The following PLCXD3 variants were observed in gnomAD, a reference collection of about 807,000 sequenced individuals.
The protein encoded by PLCXD3 is PI-PLC X domain-containing protein 3.
Under a neutral mutation model 25.5 loss-of-function variants are expected in PLCXD3, and 19 were observed. That is an observed-to-expected ratio of 0.75 (90% CI 0.52 to 1.09). The LOEUF (loss-of-function observed/expected upper bound fraction) is 1.09, where lower values mean the gene tolerates loss of function less well. Ranked by LOEUF, PLCXD3 falls within the 50% of genes least tolerant of loss-of-function variation. The probability of loss-of-function intolerance (pLI) is 0.00; values close to 1 mark genes in which losing one functional copy is unlikely to be tolerated. For synonymous variants in PLCXD3, 174 were observed against 137.6 expected (o/e 1.26, Z -1.85); for missense variants, 411 against 388.1 (o/e 1.06, Z -0.50).
intron 1 of PLCXD3, among the ~76,000 whole-genome samples, chr5:41,385,345 G>A (rs189919385): frequency 6.6e-6 from 1 of 152,104 alleles, no homozygotes; most frequent in East Asian, 1.9e-4. Context: ...GGTACTTAAT[G>A]TTACTCCTCT....
chr5:41,343,531 C>G (rs534203167), intron 2 of PLCXD3, among the ~76,000 whole-genome samples: 2 of 152,212 alleles, frequency 1.3e-5, no homozygotes, highest in South Asian at 4.1e-4. Flanking sequence ...GTTCTGAAGT[C>G]AGTCAAAATT....
intron 2 of PLCXD3, among the ~76,000 whole-genome samples, chr5:41,373,267 G>A (rs1247345584): frequency 6.6e-6 from 1 of 152,020 alleles, no homozygotes; most frequent in Non-Finnish European, 1.5e-5. Context: ...ACTGGTTCTG[G>A]TCAGTTTACA....
At chr5:41,344,014 A>T (rs1259093761) in intron 2 of PLCXD3, among the ~76,000 whole-genome samples, 1 of 152,116 alleles carries the variant, frequency 6.6e-6, no homozygotes, top group Non-Finnish European at 1.5e-5. Context: ...TTTAAATGGC[A>T]TCTATGATTC....
At chr5:41,360,885 T>C (rs1015181399) in intron 2 of PLCXD3, among the ~76,000 whole-genome samples, 1 of 152,168 alleles carries the variant, frequency 6.6e-6, no homozygotes, top group Non-Finnish European at 1.5e-5. Flanking sequence ...TGTGGTAATA[T>C]AAGGAGTTTG....
chr5:41,360,091 C>T (rs576449899), intron 2 of PLCXD3, among the ~76,000 whole-genome samples: 4 of 152,206 alleles, frequency 2.6e-5, no homozygotes, highest in South Asian at 2.1e-4. Flanking sequence ...TCCTTGTCTT[C>T]GAGCTCTGAA....
chr5:41,398,245 T>G (rs1561260324), intron 1 of PLCXD3, among the ~76,000 whole-genome samples: 1 of 152,186 alleles, frequency 6.6e-6, no homozygotes, highest in Non-Finnish European at 1.5e-5. Flanking sequence ...TATTAAATCA[T>G]GGGGATGGAT....
chr5:41,382,321 G>T lies in PLCXD3; in HGVS notation c.317C>A (p.Pro106His), dbSNP rs756989510. The T allele has an allele frequency of 5.1e-5, 83 of 1,613,312 alleles. No individual in the cohort carries two copies. Among genetic ancestry groups the T allele is most frequent in the Non-Finnish European group, 6.6e-5 (78 of 1,179,702 alleles). The change falls in exon 2 of 3, where the codon CCC becomes CAC. Residue 106 changes from proline to histidine, a missense_variant. Pro to His is a moderately conservative substitution (Grantham distance 77). Transcript: ENST00000377801. Reference protein sequence around the residue: ...DLRISTKPRDPDNELYFAHGL... With the variant: ...DLRISTKPRDHDNELYFAHGL... ...ATGAGCAAAATAGAGTTCATTGTCG[G>T]GGTCTCTGGGCTTGGTGGAAATTCG...
chr5:41,453,987 G>T (rs1747695366), intron 1 of PLCXD3, among the ~76,000 whole-genome samples: 1 of 151,854 alleles, frequency 6.6e-6, no homozygotes, highest in Non-Finnish European at 1.5e-5. Flanking sequence ...ATCAACAAGA[G>T]AAAAATACCT....
At chr5:41,496,524 A>C (rs318017) in intron 1 of PLCXD3, among the ~76,000 whole-genome samples, 85,409 of 151,118 alleles carry the variant, frequency 0.57, 25,608 homozygotes, top group African/African-American at 0.79. Flanking sequence ...CAGCAGAAAA[A>C]TTGTGAGACA....
At chr5:41,316,340 C>T (rs1356082131) in intron 2 of PLCXD3, among the ~76,000 whole-genome samples, 1 of 152,190 alleles carries the variant, frequency 6.6e-6, no homozygotes, top group Admixed American at 6.5e-5. Context: ...CCCTTGGCCC[C>T]AGATAACCAG....
intron 1 of PLCXD3, among the ~76,000 whole-genome samples, chr5:41,481,507 C>T (rs1748413447): frequency 6.6e-6 from 1 of 152,246 alleles, no homozygotes; most frequent in East Asian, 1.9e-4. Context: ...TCTGAAACAA[C>T]TTCCTTTAGG....
At chr5:41,443,172 C>T (rs1478036452) in intron 1 of PLCXD3, among the ~76,000 whole-genome samples, 1 of 151,234 alleles carries the variant, frequency 6.6e-6, no homozygotes, top group Non-Finnish European at 1.5e-5. Flanking sequence ...CCATCAACAA[C>T]AGACTGCACA....
chr5:41,435,885 T>C (rs1285058642), intron 1 of PLCXD3, among the ~76,000 whole-genome samples: 2 of 152,222 alleles, frequency 1.3e-5, no homozygotes, highest in Non-Finnish European at 2.9e-5. Context: ...TCATTTGAGA[T>C]AGAAACCTCT....
rs117507659 is a variant in PLCXD3, at chr5:41,346,416, A to T, written c.813-32646T>A. ...TTCTATGGGTTTTGACAAATGCATG[A>T]TGTCCTCTATCTACCATTACAGTAC... On this transcript the variant is annotated intron_variant, in intron 2 of 2. Coordinates refer to ENST00000377801, the MANE Select transcript of PLCXD3 (RefSeq NM_001005473.3). 3.5e-4 allele frequency among the ~76,000 whole-genome samples: 54 copies of T among 152,290 alleles called. No homozygotes were observed. In the East Asian group the frequency reaches 6.6e-3, roughly 19 times the overall value.
intron 1 of PLCXD3, among the ~76,000 whole-genome samples, chr5:41,495,878 A>G (rs1032079492): frequency 2.0e-5 from 3 of 152,198 alleles, no homozygotes; most frequent in African/African-American, 7.2e-5. Context: ...ATCAAGTCAA[A>G]GGAATAAAAT....
chr5:41,463,477 T>C (rs1046950279), intron 1 of PLCXD3, among the ~76,000 whole-genome samples: 9 of 152,036 alleles, frequency 5.9e-5, no homozygotes, highest in African/African-American at 2.2e-4. Flanking sequence ...TACCATCACA[T>C]TGAGTGTTGG....
intron 1 of PLCXD3, among the ~76,000 whole-genome samples, chr5:41,462,361 C>T (rs754811883): frequency 6.6e-6 from 1 of 152,026 alleles, no homozygotes; most frequent in Non-Finnish European, 1.5e-5. Context: ...AACGTATTTG[C>T]AACACCTGTG....
chr5:41,467,863 A>G (rs1748057412), intron 1 of PLCXD3, among the ~76,000 whole-genome samples: 1 of 152,092 alleles, frequency 6.6e-6, no homozygotes, highest in African/African-American at 2.4e-5. Flanking sequence ...AAATCAGTTG[A>G]CTGTAAATGC....
At chr5:41,317,528 G>A (rs1743337202) in intron 2 of PLCXD3, among the ~76,000 whole-genome samples, 1 of 152,058 alleles carries the variant, frequency 6.6e-6, no homozygotes, top group Non-Finnish European at 1.5e-5. Context: ...TAAGGCACCA[G>A]GGACCAATCC....
Sources: allele counts gnomAD v4.1 joint callset (sites outside exome capture counted in the v4.1 genomes callset), GRCh38; gene constraint gnomAD v4.1.1; transcripts MANE v1.5; gene names NCBI Gene and HGNC (gene_info 2026-07-23, HGNC 2026-07-21).